CCDC181: variants seen among roughly 807,000 people sequenced by gnomAD.
CCDC181 encodes coiled-coil domain-containing protein 181.
Under a neutral mutation model 58.7 loss-of-function variants are expected in CCDC181, and 35 were observed. That is an observed-to-expected ratio of 0.60 (90% CI 0.46 to 0.79). CCDC181 has a LOEUF of 0.79. Among genes scored for constraint, CCDC181 ranks in the 30% least tolerant of loss-of-function variants. The probability of loss-of-function intolerance (pLI) is 0.00; values close to 1 mark genes in which losing one functional copy is unlikely to be tolerated. For synonymous variants in CCDC181, 183 were observed against 197.5 expected, an observed-to-expected ratio of 0.93 and a Z score of 0.62; for missense variants, 517 against 583.9, an observed-to-expected ratio of 0.89 and a Z score of 1.18.
chr1:169,446,027 T>C (rs1382349568), intron 2 of CCDC181, among the ~76,000 whole-genome samples: 1 of 152,210 alleles, frequency 6.6e-6, no homozygotes, highest in Non-Finnish European at 1.5e-5. Flanking sequence ...ATTGATTTTA[T>C]TGATCTTTTC....
At chr1:169,397,918 T>C (rs572655605) in intron 4 of CCDC181, among the ~76,000 whole-genome samples, 2 of 152,170 alleles carry the variant, frequency 1.3e-5, no homozygotes, top group African/African-American at 2.4e-5. Flanking sequence ...ATTTAATACT[T>C]CCCCCAAATA....
At chr1:169,453,064 G>C (rs963941745) in intron 2 of CCDC181, among the ~76,000 whole-genome samples, 3 of 150,868 alleles carry the variant, frequency 2.0e-5, no homozygotes, top group African/African-American at 7.3e-5. Context: ...AAATAGACTT[G>C]AGAAAGAATT....
At chr1:169,447,852 C>A (rs1428574100) in intron 2 of CCDC181, among the ~76,000 whole-genome samples, 1 of 152,086 alleles carries the variant, frequency 6.6e-6, no homozygotes, top group Non-Finnish European at 1.5e-5. Flanking sequence ...CATAGTATAT[C>A]TTTTTCCATC....
chr1:169,459,406 C>T lies in CCDC181; in HGVS notation c.-24+391G>A, dbSNP rs74465297. Among the ~76,000 whole-genome samples the T allele has an allele frequency of 1.1e-4, 17 of 152,260 alleles. No homozygotes were observed. The East Asian group carries it at 2.9e-3, about 26-fold the overall frequency. ...AGAATTTCTACCCATCTGGGAGCACCTTAGCCCCGGTCCAGAATCCCTGGC... is the reference window on the plus strand; with the variant it reads ...AGAATTTCTACCCATCTGGGAGCACTTTAGCCCCGGTCCAGAATCCCTGGC... On this transcript the variant is annotated intron_variant, in intron 2 of 6. Transcript: ENST00000545005.
In CCDC181 at chr1:169,422,189, T is replaced by C. The variant is rs751038761; in HGVS notation, c.242A>G (p.Asn81Ser). ...AATACCTGGTACAGAAATGATGTCA[T>C]TTCTTCTTGGTGAGACCTCATCCTG... The part of the protein sequence containing the change: ...SLQDEVSPRR[N>S]DIISVPGIQP... Residue 81 changes from asparagine to serine, a missense_variant, in exon 3 of 6, where the codon AAT becomes AGT. Coordinates refer to ENST00000367806, the MANE Select transcript of CCDC181 (RefSeq NM_001300969.2). The C allele has an allele frequency of 6.2e-7, 1 of 1,613,916 alleles. No homozygotes were observed. Among genetic ancestry groups the C allele is most frequent in the Non-Finnish European group, 8.5e-7 (1 of 1,179,920 alleles).
chr1:169,432,988 C>A (rs1328641100), intron 2 of CCDC181, among the ~76,000 whole-genome samples: 1 of 151,918 alleles, frequency 6.6e-6, no homozygotes, highest in Non-Finnish European at 1.5e-5. Flanking sequence ...GAAGTACAAG[C>A]CAGAGCAATT....
chr1:169,445,392 A>G (rs916758724), intron 2 of CCDC181, among the ~76,000 whole-genome samples: 2 of 152,192 alleles, frequency 1.3e-5, no homozygotes, highest in Admixed American at 6.6e-5. Context: ...CATCATTAAA[A>G]TGATCACATT....
At chr1:169,450,866 A>G (rs2101756924) in intron 2 of CCDC181, among the ~76,000 whole-genome samples, 1 of 152,312 alleles carries the variant, frequency 6.6e-6, no homozygotes, top group South Asian at 2.1e-4. Context: ...CATTGGCATT[A>G]ATTTGCTTTT....
chr1:169,423,556 C>T (rs577571106), intron 2 of CCDC181, among the ~76,000 whole-genome samples: 11 of 152,060 alleles, frequency 7.2e-5, no homozygotes, highest in East Asian at 1.9e-4. Flanking sequence ...TATAATCATC[C>T]GCTGGAATGT....
upstream of CCDC181, among the ~76,000 whole-genome samples, chr1:169,429,028 A>G (rs1656827385): frequency 6.6e-6 from 1 of 152,184 alleles, no homozygotes; most frequent in Non-Finnish European, 1.5e-5. Context: ...GCTCCCACTT[A>G]CAAGTGAGAA....
intron 4 of CCDC181, among the ~76,000 whole-genome samples, chr1:169,406,813 AC>A (rs1655685020): frequency 6.6e-6 from 1 of 150,382 alleles, no homozygotes; most frequent in Admixed American, 6.8e-5. Flanking sequence ...AAAACCCACC[AC>A]AAAAAAAATA....
chr1:169,427,010 G>A (rs1202696399), intron 1 of CCDC181, among the ~76,000 whole-genome samples: 4 of 152,040 alleles, frequency 2.6e-5, no homozygotes, highest in African/African-American at 9.7e-5. Context: ...CCACGTTCAA[G>A]AACTTTGAGA....
Position 169,397,305 on chromosome 1 carries a change from T to C in CCDC181, c.1302A>G (p.Glu434=), listed in dbSNP as rs1381475542. The change falls in exon 5 of 6, where the codon GAA becomes GAG. Residue 434 remains glutamate (E), a synonymous_variant. Transcript: ENST00000367806. ...ATAAACATTCCTCTTGCTTTCTTAG[T>C]TCTTCTGTCTGTCTTTCTTTCATCT... The part of the protein sequence containing the change: ...EEQMKERQTE[E]LRKQEECLFF... 6.2e-7 allele frequency: 1 copy of C among 1,612,152 alleles called. No homozygotes were observed. The highest frequency in any genetic ancestry group is 1.1e-5 in the South Asian group (1 of 90,814).
At chr1:169,436,106 C>G (rs1270861984) in intron 2 of CCDC181, among the ~76,000 whole-genome samples, 1 of 152,166 alleles carries the variant, frequency 6.6e-6, no homozygotes, top group South Asian at 2.1e-4. Flanking sequence ...ACAGTCCTTT[C>G]ACTTACTTTA....
upstream of CCDC181, among the ~76,000 whole-genome samples, chr1:169,432,473 T>C (rs1303122952): frequency 1.3e-5 from 2 of 152,150 alleles, no homozygotes; most frequent in Non-Finnish European, 2.9e-5. Flanking sequence ...GATATGAATA[T>C]GATCATCACA....
chr1:169,397,294 T>C lies in CCDC181; in HGVS notation c.1313A>G (p.Gln438Arg). ...KERQTEELRK[Q>R]EECLFFLKGT... ...TTTAAGGAAGAATAAACATTCCTCT[T>C]GCTTTCTTAGTTCTTCTGTCTGTCT... The change falls in exon 5 of 6, where the codon CAA (glutamine) becomes CGA (arginine). Residue 438 changes from glutamine (Q) to arginine (R), a missense_variant. Coordinates refer to ENST00000367806, the MANE Select transcript of CCDC181 (RefSeq NM_001300969.2). 1 of 1,611,780 alleles carries C rather than the reference T, an allele frequency of 6.2e-7. No homozygotes were observed. Among genetic ancestry groups the C allele is most frequent in the Non-Finnish European group, 8.5e-7 (1 of 1,178,978 alleles).
chr1:169,449,331 G>A (rs1657467741), intron 2 of CCDC181, among the ~76,000 whole-genome samples: 1 of 152,156 alleles, frequency 6.6e-6, no homozygotes, highest in Non-Finnish European at 1.5e-5. Flanking sequence ...TGCTGAAGTT[G>A]CACATGCCAT....
At chr1:169,397,417 A>C in intron 4 of CCDC181, 26 bp from the exon 5 acceptor site, 2 of 1,572,032 alleles carry the variant, frequency 1.3e-6, no homozygotes, top group Non-Finnish European at 1.7e-6. Context: ...AGCTTTACTT[A>C]GTTTAGATAA....
chr1:169,425,815 A>G (rs1320028410), intron 1 of CCDC181, among the ~76,000 whole-genome samples: 2 of 152,164 alleles, frequency 1.3e-5, no homozygotes, highest in Non-Finnish European at 2.9e-5. Flanking sequence ...TAAATATTAT[A>G]AGAATATTTC....
Sources: allele counts gnomAD v4.1 joint callset (sites outside exome capture counted in the v4.1 genomes callset), GRCh38; gene constraint gnomAD v4.1.1; transcripts MANE v1.5; gene names NCBI Gene and HGNC (gene_info 2026-07-23, HGNC 2026-07-21).